The following TBC1D1 variants were observed in gnomAD, a reference collection of about 807,000 sequenced individuals.
The protein encoded by TBC1D1 is TBC1 domain family member 1, also known as TBC1 (tre-2/USP6, BUB2, cdc16) domain family, member 1.
In TBC1D1, 89 loss-of-function variants were observed where a neutral mutation model predicts 125.6. That is an observed-to-expected ratio of 0.71 (90% CI 0.60 to 0.85). The LOEUF is 0.85. Among genes scored for constraint, TBC1D1 ranks in the 40% least tolerant of loss-of-function variants. The pLI, the probability that TBC1D1 is intolerant of heterozygous loss-of-function variation, is 0.00. For synonymous variants in TBC1D1, 565 were observed against 564.1 expected (o/e 1.00, Z -0.02); for missense variants, 1,377 against 1,469.2 (o/e 0.94, Z 1.03).
intron 11 of TBC1D1, 25 bp downstream of exon 11, chr4:38,049,923 A>C (rs201666444): frequency 6.3e-7 from 1 of 1,595,702 alleles, no homozygotes; most frequent in Non-Finnish European, 8.5e-7. Flanking sequence ...AATTTGTTGC[A>C]TAAATAGCTG....
At position 38,089,955 on chromosome 4, in the gene TBC1D1, C is replaced by T; in HGVS notation, c.2074C>T (p.Pro692Ser). 2 of 1,593,348 alleles carry T rather than the reference C, an allele frequency of 1.3e-6. No homozygotes were observed. Among genetic ancestry groups the T allele is most frequent in the East Asian group, 2.2e-5 (1 of 44,538 alleles). The change falls in exon 13 of 20, where the codon CCC (proline) becomes TCC (serine). Residue 692 changes from proline to serine, a missense_variant. Coordinates refer to ENST00000261439, the MANE Select transcript of TBC1D1 (RefSeq NM_015173.4). ...AGATTATTCAGAGCTGGGAGAGCTTCCCCCACGATCTCCTTTAGAACCAGT... is the reference window on the plus strand; with the variant it reads ...AGATTATTCAGAGCTGGGAGAGCTTTCCCCACGATCTCCTTTAGAACCAGT...
In TBC1D1 at chr4:38,044,339, CTT is replaced by C. The variant is rs763144647; in HGVS notation, c.1414-20_1414-19del. ...AAGCAGAGAAGGGAGCGATAAATGA[CTT>C]TTCGTTTTTCACTTTTTTAGACATC... is the stretch of plus-strand genomic sequence containing the variant. On this transcript the variant is annotated intron_variant, in intron 8 of 19. Transcript: ENST00000261439. The C allele has an allele frequency of 9.7e-5, 154 of 1,589,118 alleles. No homozygotes were observed. In the Middle Eastern group the frequency reaches 2.7e-3, roughly 28 times the overall value.
chr4:38,104,325 A>C (rs1382425110), intron 15 of TBC1D1, among the ~76,000 whole-genome samples: 2 of 152,118 alleles, frequency 1.3e-5, no homozygotes, highest in Non-Finnish European at 2.9e-5. Flanking sequence ...TATTGGATAG[A>C]TTTGCAGTTG....
At chr4:38,053,996 C>A (rs902878250) in intron 11 of TBC1D1, among the ~76,000 whole-genome samples, 3 of 152,208 alleles carry the variant, frequency 2.0e-5, no homozygotes, top group African/African-American at 7.2e-5. Context: ...TGTAATCTTT[C>A]TCTTTTCATG....
chr4:37,894,942 A>G (rs1370442175), intron 1 of TBC1D1, among the ~76,000 whole-genome samples: 2 of 152,210 alleles, frequency 1.3e-5, no homozygotes, highest in African/African-American at 4.8e-5. Flanking sequence ...TAGTGAGGGA[A>G]CCCTTTGGTA....
chr4:38,030,724 T>G (rs1163505409), intron 7 of TBC1D1, among the ~76,000 whole-genome samples: 1 of 152,246 alleles, frequency 6.6e-6, no homozygotes, highest in African/African-American at 2.4e-5. Flanking sequence ...TATTTTCCTT[T>G]GTTCAGTCTT....
intron 11 of TBC1D1, among the ~76,000 whole-genome samples, chr4:38,050,457 A>C (rs1750303260): frequency 6.6e-6 from 1 of 152,226 alleles, no homozygotes; most frequent in Non-Finnish European, 1.5e-5. Context: ...TCTTCTAACA[A>C]GATTTATTCA....
At chr4:37,921,839 G>C (rs1721063263) in intron 2 of TBC1D1, among the ~76,000 whole-genome samples, 1 of 151,666 alleles carries the variant, frequency 6.6e-6, no homozygotes, top group Non-Finnish European at 1.5e-5. Context: ...AGGCTCAGGT[G>C]ATCTTCTTGC....
chr4:38,008,163 G>T (rs985221625), intron 2 of TBC1D1, among the ~76,000 whole-genome samples: 2 of 152,242 alleles, frequency 1.3e-5, no homozygotes, highest in Admixed American at 1.3e-4. Flanking sequence ...GTGATTCCAT[G>T]AAGTCTATCT....
Position 38,006,701 on chromosome 4 carries a change from A to G in TBC1D1, c.418-7808A>G, listed in dbSNP as rs368724041. 8.1e-4 allele frequency: 253 copies of G among 312,664 alleles called. 2 individuals carry two copies. Among genetic ancestry groups the G allele is most frequent in the East Asian group, 1.9e-3 (21 of 11,138 alleles). 19.4% of individuals were successfully genotyped at this position (312,664 alleles called of 1,614,324 possible). A position where few individuals can be genotyped will look rare whatever the true frequency, so the allele number is the denominator to read the frequency against. ...TCACCATGTTAGCCAGGATGGGCTC[A>G]ATCTCCTGACCTTGTGATCCGCCCA... On this transcript the variant is annotated intron_variant, in intron 2 of 19. Transcript: ENST00000261439.
At chr4:37,996,824 C>T (rs748533832) in intron 2 of TBC1D1, among the ~76,000 whole-genome samples, 4 of 152,186 alleles carry the variant, frequency 2.6e-5, no homozygotes, top group African/African-American at 7.2e-5. Flanking sequence ...TACATTTGTG[C>T]AAGTTGCGGG....
chr4:37,896,026 T>C (rs1714493495), intron 1 of TBC1D1, among the ~76,000 whole-genome samples: 2 of 152,178 alleles, frequency 1.3e-5, no homozygotes, highest in Admixed American at 1.3e-4. Context: ...TCTGTTCAGG[T>C]GCATGCTCAC....
At chr4:37,976,242 G>A (rs187307296) in intron 2 of TBC1D1, among the ~76,000 whole-genome samples, 1 of 152,360 alleles carries the variant, frequency 6.6e-6, no homozygotes, top group African/African-American at 2.4e-5. Context: ...CAACACCTAT[G>A]TGAATGAGCA....
At chr4:37,944,818 A>G (rs947180132) in intron 2 of TBC1D1, among the ~76,000 whole-genome samples, 2 of 151,096 alleles carry the variant, frequency 1.3e-5, no homozygotes, top group African/African-American at 4.9e-5. Context: ...TTCGGCTCAC[A>G]CTCGGTGGGC....
In TBC1D1 at chr4:37,891,153, C is replaced by G. The variant is rs1433009823; in HGVS notation, c.-289C>G. On this transcript the variant is annotated 5_prime_UTR_variant, in exon 1 of 20. Coordinates refer to ENST00000261439, the MANE Select transcript of TBC1D1 (RefSeq NM_015173.4). ...GCCTGTTGCTGCCGCCGCCGCGGGA[C>G]CTGCTGTGTCCTCAGCTGGGTGGAG... is the stretch of plus-strand genomic sequence containing the variant. 1 of 155,408 alleles carries G rather than the reference C, an allele frequency of 6.4e-6. No individual in the cohort carries two copies. Among genetic ancestry groups the G allele is most frequent in the East Asian group, 1.9e-4 (1 of 5,286 alleles). The allele number at this position is 155,408 out of a possible 1,614,324, so 9.6% of individuals were successfully genotyped here.
intron 2 of TBC1D1, among the ~76,000 whole-genome samples, chr4:37,916,442 A>G (rs1245620795): frequency 1.3e-5 from 2 of 152,232 alleles, no homozygotes; most frequent in African/African-American, 4.8e-5. Flanking sequence ...TGTCCCCTGT[A>G]TGAAGCAGGG....
chr4:38,052,970 C>A, intron 11 of TBC1D1, 136 bp from the exon 13 acceptor site: 1 of 520,510 alleles, frequency 1.9e-6, no homozygotes, highest in Non-Finnish European at 3.0e-6. Context: ...CATTCGTGAA[C>A]TACTTTTAAT....
chr4:38,065,766 C>T (rs1416455755), intron 12 of TBC1D1, among the ~76,000 whole-genome samples: 1 of 151,952 alleles, frequency 6.6e-6, no homozygotes, highest in Non-Finnish European at 1.5e-5. Flanking sequence ...ATGCTTCACC[C>T]TCCTTAGTAG....
chr4:38,045,556 G>A (rs1464171924), intron 9 of TBC1D1, among the ~76,000 whole-genome samples: 1 of 152,130 alleles, frequency 6.6e-6, no homozygotes, highest in African/African-American at 2.4e-5. Flanking sequence ...CCTTATAGAC[G>A]AATTGTCTTG....
Sources: allele counts gnomAD v4.1 joint callset (sites outside exome capture counted in the v4.1 genomes callset), GRCh38; gene constraint gnomAD v4.1.1; transcripts MANE v1.5; gene names NCBI Gene and HGNC (gene_info 2026-07-23, HGNC 2026-07-21).